ULK2: variants seen among roughly 807,000 people sequenced by gnomAD.
The protein encoded by ULK2 is unc-51 like autophagy activating kinase 2.
A neutral mutation model predicts 127.5 loss-of-function variants in ULK2; 76 were observed. That is an observed-to-expected ratio of 0.60 (90% CI 0.50 to 0.72). The LOEUF is 0.72. Among genes scored for constraint, ULK2 ranks in the 30% least tolerant of loss-of-function variants. The pLI is 0.00. For missense variants in ULK2, 1,144 were observed against 1,295.9 expected (o/e 0.88, Z 1.80); for synonymous variants, 452 against 461.9 (o/e 0.98, Z 0.28).
rs1349877554 is a variant in ULK2, at chr17:19,772,488, C to T, written c.*3861G>A. 6.6e-6 allele frequency: 1 copy of T among 152,204 alleles called. No homozygotes were observed. The highest frequency in any genetic ancestry group is 6.5e-5 in the Admixed American group (1 of 15,282). The allele number at this position is 152,204 out of a possible 1,614,324, so 9.4% of individuals were successfully genotyped here. A position where few individuals can be genotyped will look rare whatever the true frequency, so the allele number is the denominator to read the frequency against. Reference sequence around the variant, plus strand: ...GTCTGAGGCCGTCTAGAAATAGGCACAGATACTTCCAGGATGCATGTAACA... The same window carrying T: ...GTCTGAGGCCGTCTAGAAATAGGCATAGATACTTCCAGGATGCATGTAACA... On this transcript the variant is annotated 3_prime_UTR_variant, in exon 27 of 27. Transcript: ENST00000395544.
In ULK2 at chr17:19,857,098, G is replaced by C. The variant is rs1490256746; in HGVS notation, c.226-7324C>G. 4.6e-5 allele frequency among the ~76,000 whole-genome samples: 7 copies of C among 151,810 alleles called. No individual in the cohort carries two copies. In the South Asian group the frequency reaches 1.5e-3, roughly 32 times the overall value. On this transcript the variant is annotated intron_variant, in intron 3 of 26. Coordinates refer to ENST00000395544, the MANE Select transcript of ULK2 (RefSeq NM_014683.4). ...AGACGGGCAGATCACCTGAGGTCGGGAGTTCGAGACCAGGCTGGCCAATAC... is the reference window on the plus strand; with the variant it reads ...AGACGGGCAGATCACCTGAGGTCGGCAGTTCGAGACCAGGCTGGCCAATAC...
At chr17:19,795,190 T>C (rs2087240803) in intron 20 of ULK2, among the ~76,000 whole-genome samples, 1 of 151,940 alleles carries the variant, frequency 6.6e-6, no homozygotes, top group East Asian at 1.9e-4. Context: ...AATCTAGATA[T>C]ACATGGGTGG....
At chr17:19,825,279 TC>T in intron 11 of ULK2, 97 bp from the exon 12 acceptor site, 1 of 962,574 alleles carries the variant, frequency 1.0e-6, no homozygotes, top group Non-Finnish European at 1.6e-6. Context: ...ACCTTTGTGT[TC>T]CCCCAAAATC....
At chr17:19,790,283 G>A (rs1298724207) in intron 20 of ULK2, among the ~76,000 whole-genome samples, 5 of 152,116 alleles carry the variant, frequency 3.3e-5, no homozygotes, top group Non-Finnish European at 7.4e-5. Context: ...CAGGTGTGGT[G>A]GCAGGCGCCT....
At chr17:19,787,853 C>T (rs1597715309) in intron 20 of ULK2, among the ~76,000 whole-genome samples, 1 of 152,216 alleles carries the variant, frequency 6.6e-6, no homozygotes, top group African/African-American at 2.4e-5. Flanking sequence ...CACCACCCTC[C>T]GCCCCTCCCC....
intron 3 of ULK2, among the ~76,000 whole-genome samples, chr17:19,864,472 C>CAAAAAAAAAAA: frequency 7.3e-6 from 1 of 136,304 alleles, no homozygotes; most frequent in Non-Finnish European, 1.6e-5. Context: ...GAGACTCCAT[C>CAAAAAAAAAAA]AAAAAAAAAA....
At chr17:19,858,661 C>T (rs1052784543) in intron 3 of ULK2, among the ~76,000 whole-genome samples, 1 of 151,500 alleles carries the variant, frequency 6.6e-6, no homozygotes, top group African/African-American at 2.4e-5. Context: ...GACTGATACC[C>T]TAATGGTTTA....
chr17:19,832,025 G>GA (rs1043230960), intron 10 of ULK2, among the ~76,000 whole-genome samples: 10 of 151,874 alleles, frequency 6.6e-5, no homozygotes, highest in Non-Finnish European at 1.3e-4. Flanking sequence ...TCTGGAGGCT[G>GA]AAGCAGGAGT....
rs570771406 is a variant in ULK2 at position 19,777,414 on chromosome 17, T to C, written c.3052+167A>G. On this transcript the variant is annotated intron_variant, in intron 26 of 26. Transcript: ENST00000395544. ...GACACTGTGCCTGGCCCTACTCCTA[T>C]TTTATGAAAAAGAAGCTGAGGCCAC... Among the ~76,000 whole-genome samples, 8 of 152,194 alleles carry C rather than the reference T, an allele frequency of 5.3e-5. No homozygotes were observed. In the South Asian group the frequency reaches 1.7e-3, roughly 31 times the overall value.
At chr17:19,780,828 T>C (rs1454677419) in intron 24 of ULK2, among the ~76,000 whole-genome samples, 158 bp downstream of exon 24, 2 of 152,194 alleles carry the variant, frequency 1.3e-5, no homozygotes, top group African/African-American at 4.8e-5. Flanking sequence ...CTTCTATCAA[T>C]TGAACTGCAA....
chr17:19,821,780 T>A (rs2041152545), intron 12 of ULK2, among the ~76,000 whole-genome samples: 1 of 152,158 alleles, frequency 6.6e-6, no homozygotes, highest in Non-Finnish European at 1.5e-5. Context: ...TCTCTCTGTA[T>A]CCAGGCTGAA....
In ULK2 at chr17:19,828,283, GAA is replaced by G. The variant is rs147933941; in HGVS notation, c.788-2099_788-2098del. Among the ~76,000 whole-genome samples, 536 of 152,324 alleles carry G rather than the reference GAA, an allele frequency of 3.5e-3. 4 individuals carry two copies. Among genetic ancestry groups the G allele is most frequent in the African/African-American group, 0.012 (516 of 41,582 alleles). ...TAAAGAGAGTACTTCAGGTTGAAAT[GAA>G]AAGAGCTAGACAGTAAAAAGCCACA... is the stretch of plus-strand genomic sequence containing the variant. On this transcript the variant is annotated intron_variant, in intron 10 of 26. Coordinates refer to ENST00000395544, the MANE Select transcript of ULK2 (RefSeq NM_014683.4).
chr17:19,807,803 G>A (rs1375440066), intron 14 of ULK2, among the ~76,000 whole-genome samples: 1 of 152,092 alleles, frequency 6.6e-6, no homozygotes, highest in Admixed American at 6.5e-5. Context: ...TGCACTGAGG[G>A]CCCCCAAGGT....
chr17:19,798,328 G>C (rs143756103), intron 17 of ULK2, among the ~76,000 whole-genome samples: 164 of 152,286 alleles, frequency 1.1e-3, no homozygotes, highest in Non-Finnish European at 1.7e-3. Flanking sequence ...CTTGCCTGCA[G>C]ATATCCTTGC....
At position 19,797,544 on chromosome 17, in the gene ULK2, T is replaced by G. The variant is rs576169039; in HGVS notation, c.1661A>C (p.His554Pro). 1.2e-6 allele frequency: 2 copies of G among 1,613,900 alleles called. No individual in the cohort carries two copies. The highest frequency in any genetic ancestry group is 2.2e-5 in the South Asian group (2 of 91,068). The change falls in exon 18 of 27, where the codon CAT (histidine) becomes CCT (proline). Residue 554 changes from histidine (H) to proline (P), a missense_variant. Coordinates refer to ENST00000395544, the MANE Select transcript of ULK2 (RefSeq NM_014683.4). ...CGAGTAGCTGTACCCAGCCCCAGTA[T>G]GGGATGGGCACACGGGGTCAGAGTG... Reference protein sequence around the residue: ...KQHSDPVCPSHTGAGYSYSPQ... With the variant: ...KQHSDPVCPSPTGAGYSYSPQ...
chr17:19,798,605 T>G (rs902821955), intron 17 of ULK2, among the ~76,000 whole-genome samples: 3 of 152,210 alleles, frequency 2.0e-5, no homozygotes, highest in South Asian at 2.1e-4. Context: ...ATATTTAATT[T>G]TACTGCCCTT....
At position 19,832,266 on chromosome 17, in the gene ULK2, C is replaced by CT. The variant is rs139741876; in HGVS notation, c.788-6081dup. Among the ~76,000 whole-genome samples the CT allele has an allele frequency of 3.9e-3, 552 of 140,380 alleles. 2 individuals are homozygous for CT. The highest frequency in any genetic ancestry group is 6.2e-3 in the African/African-American group (239 of 38,428). The allele number at this position is 140,380 out of a possible 152,430, so 92.1% of individuals were successfully genotyped here. A position where few individuals can be genotyped will look rare whatever the true frequency, so the allele number is the denominator to read the frequency against. ...GGAGTCAAGATAAATGAAACATTTTCTTTTTTTTTTTTTTTCTTTTTATAC... is the reference window on the plus strand; with the variant it reads ...GGAGTCAAGATAAATGAAACATTTTCTTTTTTTTTTTTTTTTCTTTTTATAC... On this transcript the variant is annotated intron_variant, in intron 10 of 26. Coordinates refer to ENST00000395544, the MANE Select transcript of ULK2 (RefSeq NM_014683.4).
Position 19,846,786 on chromosome 17 carries a change from G to A in ULK2, c.420C>T (p.Ser140=). Residue 140 remains serine (S), a synonymous_variant, in exon 6 of 27, where the codon TCC becomes TCT. Coordinates refer to ENST00000395544, the MANE Select transcript of ULK2 (RefSeq NM_014683.4). ...RDLKPQNILL[S]YANRRKSSVS... is the part of the protein sequence containing the mutation. ...CACTTGATTTTCTGCGATTGGCATA[G>A]GACAGCAAGATGTTCTGTGGTTTGA... 1 of 1,613,562 alleles carries A rather than the reference G, an allele frequency of 6.2e-7. No homozygotes were observed. Among genetic ancestry groups the A allele is most frequent in the South Asian group, 1.1e-5 (1 of 90,902 alleles).
rs139571313 is a variant in ULK2 at position 19,795,713 on chromosome 17, G to T, written c.2010C>A (p.Thr670=). 7 of 1,613,604 alleles carry T rather than the reference G, an allele frequency of 4.3e-6. No homozygotes were observed. The highest frequency in any genetic ancestry group is 1.1e-5 in the South Asian group (1 of 91,058). The stretch of plus-strand genomic sequence containing the variant: ...TTCCTTGTTGATCTGATAACTTCCC[G>T]GTACTGACAGATCTAAAAAGAATAG... ...SKAVFGRSVS[T]GKLSDQQGKT... is the part of the protein sequence containing the mutation. Residue 670 remains threonine (T), a synonymous_variant, in exon 20 of 27, where the codon ACC becomes ACA. Transcript: ENST00000395544.
Sources: allele counts gnomAD v4.1 joint callset (sites outside exome capture counted in the v4.1 genomes callset), GRCh38; gene constraint gnomAD v4.1.1; transcripts MANE v1.5; gene names NCBI Gene and HGNC (gene_info 2026-07-23, HGNC 2026-07-21).